FAM167A: variants seen among roughly 807,000 people sequenced by gnomAD.
FAM167A encodes the protein protein FAM167A.
Under a neutral mutation model 14.9 loss-of-function variants are expected in FAM167A, and 23 were observed. The ratio of observed to expected loss-of-function variants is 1.55; its 90% CI spans 1.11 to 2.19. The LOEUF (loss-of-function observed/expected upper bound fraction) is 2.19, where lower values mean the gene tolerates loss of function less well. FAM167A is among the 30% of genes most tolerant of loss of function. The pLI is 0.00. For missense variants in FAM167A, 401 were observed against 281.5 expected (o/e 1.42, Z -3.04); for synonymous variants, 174 against 117.7 (o/e 1.48, Z -3.10).
At chr8:11,439,601 G>A (rs976133134) in intron 2 of FAM167A, among the ~76,000 whole-genome samples, 3 of 152,202 alleles carry the variant, frequency 2.0e-5, no homozygotes, top group Non-Finnish European at 4.4e-5. Context: ...ACACCTCCTT[G>A]GTGCGGGGGG....
At chr8:11,447,516 G>C (rs1455712971) in intron 1 of FAM167A, among the ~76,000 whole-genome samples, 1 of 152,244 alleles carries the variant, frequency 6.6e-6, no homozygotes. Context: ...GATCTGCTGA[G>C]CTTGGTGAAG....
upstream of FAM167A, among the ~76,000 whole-genome samples, chr8:11,467,813 C>T (rs1034820417): frequency 6.6e-6 from 1 of 152,262 alleles, no homozygotes; most frequent in African/African-American, 2.4e-5. Flanking sequence ...TACTCCCTTC[C>T]TTTCTGACCT....
At chr8:11,459,555 T>C (rs1322752670) in intron 1 of FAM167A, among the ~76,000 whole-genome samples, 1 of 152,218 alleles carries the variant, frequency 6.6e-6, no homozygotes, top group Non-Finnish European at 1.5e-5. Flanking sequence ...GTACAGCTGC[T>C]GTGGCAGGAG....
chr8:11,444,278 G>C lies in FAM167A; in HGVS notation c.134C>G (p.Ser45Cys), dbSNP rs1473183580. 1.2e-6 allele frequency: 2 copies of C among 1,611,222 alleles called. No individual in the cohort carries two copies. The highest frequency in any genetic ancestry group is 1.7e-6 in the Non-Finnish European group (2 of 1,179,406). The change falls in exon 2 of 3, where the codon TCC becomes TGC. Residue 45 changes from serine to cysteine, a missense_variant. Transcript: ENST00000284486. ...EKLRLETRRP[S>C]YLEWQARLEE... Reference sequence around the variant, plus strand: ...CAGCCTGGCCTGCCATTCCAGGTAGGAGGGCCTGCGGGTCTCCAGCCTCAG... The same window carrying C: ...CAGCCTGGCCTGCCATTCCAGGTAGCAGGGCCTGCGGGTCTCCAGCCTCAG...
At chr8:11,428,401 C>T (rs931870450) in intron 2 of FAM167A, among the ~76,000 whole-genome samples, 10 of 152,178 alleles carry the variant, frequency 6.6e-5, no homozygotes, top group Non-Finnish European at 1.0e-4. Flanking sequence ...GGACAAAGGC[C>T]GCCTGGATGG....
At chr8:11,445,628 G>A (rs2003422) in intron 1 of FAM167A, 2 of 985,016 alleles carry the variant, frequency 2.0e-6, no homozygotes, top group Non-Finnish European at 2.4e-6. Flanking sequence ...CTCCAGAGAG[G>A]AGGCATAAGC....
At chr8:11,464,347 CT>C (rs1807667091) in intron 1 of FAM167A, among the ~76,000 whole-genome samples, 1 of 152,164 alleles carries the variant, frequency 6.6e-6, no homozygotes, top group South Asian at 2.1e-4. Flanking sequence ...CAACACGGCC[CT>C]CGGTGGCAGC....
intron 1 of FAM167A, among the ~76,000 whole-genome samples, chr8:11,465,169 G>T (rs1455551349): frequency 2.0e-5 from 3 of 152,170 alleles, no homozygotes; most frequent in South Asian, 2.1e-4. Flanking sequence ...GGCTCCACAG[G>T]GTTCCTCAAG....
chr8:11,440,520 G>A (rs1226518158), intron 2 of FAM167A, among the ~76,000 whole-genome samples: 1 of 152,216 alleles, frequency 6.6e-6, no homozygotes, highest in Non-Finnish European at 1.5e-5. Context: ...GGAGGCGGGA[G>A]CAGATTAAGA....
intron 2 of FAM167A, among the ~76,000 whole-genome samples, chr8:11,430,600 TAAAG>T (rs796225189): frequency 4.1e-4 from 62 of 152,208 alleles, no homozygotes; most frequent in African/African-American, 1.3e-3. Context: ...AAACACCAAT[TAAAG>T]AAAGAGAGCA....
chr8:11,464,669 T>C (rs1430871552), intron 1 of FAM167A, among the ~76,000 whole-genome samples: 4 of 152,210 alleles, frequency 2.6e-5, no homozygotes, highest in Non-Finnish European at 5.9e-5. Flanking sequence ...GTTACTCATT[T>C]TCCGCCTTTG....
At chr8:11,452,381 A>G (rs985002542) in intron 1 of FAM167A, among the ~76,000 whole-genome samples, 4 of 152,262 alleles carry the variant, frequency 2.6e-5, no homozygotes, top group African/African-American at 9.6e-5. Flanking sequence ...ACAGCCGGAC[A>G]TCAGGGCAAA....
At chr8:11,429,278 C>G (rs1805406715) in intron 2 of FAM167A, among the ~76,000 whole-genome samples, 1 of 152,160 alleles carries the variant, frequency 6.6e-6, no homozygotes, top group African/African-American at 2.4e-5. Context: ...GGCTAAGAAG[C>G]TTTTTATAAA....
rs148109955 is a variant in FAM167A, at chr8:11,423,928, A to G, written c.*445T>C. The G allele has an allele frequency of 3.7e-3, 696 of 188,314 alleles. 4 individuals carry two copies. Among genetic ancestry groups the G allele is most frequent in the African/African-American group, 0.016 (673 of 43,078 alleles). The allele number at this position is 188,314 out of a possible 1,614,324, so 11.7% of individuals were successfully genotyped here. On this transcript the variant is annotated 3_prime_UTR_variant, in exon 3 of 3. Transcript: ENST00000284486. ...GAGACAATACTTAGAGGACAGCAAC[A>G]GCACGTGAGACAGGCACATCTGACA...
intron 1 of FAM167A, among the ~76,000 whole-genome samples, chr8:11,450,426 T>C (rs1806976395): frequency 6.6e-6 from 1 of 152,210 alleles, no homozygotes; most frequent in Non-Finnish European, 1.5e-5. Context: ...ATTTTACAGA[T>C]GAAGAGACTG....
intron 1 of FAM167A, among the ~76,000 whole-genome samples, chr8:11,456,781 T>G: frequency 7.4e-6 from 1 of 134,380 alleles, no homozygotes; most frequent in South Asian, 2.4e-4. Flanking sequence ...ATTAGGGGAG[T>G]GCGGCTGGCT....
chr8:11,439,572 C>G (rs542859015), intron 2 of FAM167A, among the ~76,000 whole-genome samples: 1 of 150,848 alleles, frequency 6.6e-6, no homozygotes, highest in East Asian at 2.0e-4. Context: ...GTTCTCTTCT[C>G]TCTCTCTAAC....
At chr8:11,445,125 T>C in intron 1 of FAM167A, 1 of 984,764 alleles carries the variant, frequency 1.0e-6, no homozygotes, top group Non-Finnish European at 1.2e-6. Flanking sequence ...AACCCACATA[T>C]CCTAGAAGTT....
chr8:11,443,439 C>T (rs970006811), intron 2 of FAM167A, among the ~76,000 whole-genome samples: 1 of 152,216 alleles, frequency 6.6e-6, no homozygotes, highest in Non-Finnish European at 1.5e-5. Flanking sequence ...GCCTCCTCAC[C>T]GAGCTTCTCC....
Sources: gnomAD v4.1 joint callset for allele counts (sites outside exome capture counted in the v4.1 genomes callset) on GRCh38, gnomAD v4.1.1 for gene constraint, MANE v1.5 for transcripts, NCBI Gene and HGNC (gene_info 2026-07-23, HGNC 2026-07-21) for gene names.